The following MRGPRF variants were observed in gnomAD, a reference collection of about 807,000 sequenced individuals.
MRGPRF encodes mas-related G protein-coupled receptor member F.
A neutral mutation model predicts 3.3 loss-of-function variants in MRGPRF; 2 were observed. That is an observed-to-expected ratio of 0.61 (90% CI 0.25 to 1.92). MRGPRF has a LOEUF of 1.92. Ranked by LOEUF, MRGPRF falls within the 40% of genes most tolerant of loss-of-function variation. The probability of loss-of-function intolerance (pLI) is 0.16; values close to 1 mark genes in which losing one functional copy is unlikely to be tolerated. For missense variants in MRGPRF, 500 were observed against 476.0 expected (o/e 1.05, Z -0.47); for synonymous variants, 242 against 222.7 (o/e 1.09, Z -0.77).
At position 69,005,487 on chromosome 11, in the gene MRGPRF, C is replaced by T. The variant is rs184076521; in HGVS notation, c.823G>A (p.Val275Ile). ...TTGATGCAGATGCACAGGTCAGTGA[C>T]GTACTCGGGGAAGGGGGCCGGGATC... ...FQIPAPFPEY[V>I]TDLCICINSS... Residue 275 changes from valine (V) to isoleucine (I), a missense_variant, in exon 3 of 3, where the codon GTC becomes ATC. Coordinates refer to ENST00000309099, the MANE Select transcript of MRGPRF (RefSeq NM_145015.5). 91 of 1,584,008 alleles carry T rather than the reference C, an allele frequency of 5.7e-5. No homozygotes were observed. The African/African-American group carries it at 9.9e-4, about 17-fold the overall frequency.
intron 2 of MRGPRF, chr11:69,009,333 G>A (rs1335762938): frequency 7.6e-6 from 3 of 393,718 alleles, no homozygotes; most frequent in Admixed American, 4.2e-5. Flanking sequence ...AGGGGACTAG[G>A]TTGGCTGAGG....
In MRGPRF at chr11:69,005,147, A is replaced by G; in HGVS notation, c.*131T>C. 8.2e-7 allele frequency: 1 copy of G among 1,212,780 alleles called. No individual in the cohort carries two copies. The highest frequency in any genetic ancestry group is 1.5e-5 in the African/African-American group (1 of 65,212). 75.1% of individuals were successfully genotyped at this position (1,212,780 alleles called of 1,614,324 possible). A position where few individuals can be genotyped will look rare whatever the true frequency, so the allele number is the denominator to read the frequency against. On this transcript the variant is annotated 3_prime_UTR_variant, in exon 3 of 3. Coordinates refer to ENST00000309099, the MANE Select transcript of MRGPRF (RefSeq NM_145015.5). The stretch of plus-strand genomic sequence containing the variant: ...CCCCTGGAGTCCCCAGCCCAGGGAG[A>G]AGGAGGCCCGAGGAGAGGAAACAGA...
Position 69,006,037 on chromosome 11 carries a change from G to GCC in MRGPRF, c.271_272dup (p.Tyr92AlafsTer12). 1.3e-6 allele frequency: 2 copies of GCC among 1,580,546 alleles called. No individual in the cohort carries two copies. The highest frequency in any genetic ancestry group is 1.7e-6 in the Non-Finnish European group (2 of 1,163,050). ...AGAACACCGCCTTGCTGAAGAGGTA[G>GCC]CCCACATCGGCGCTGGCCAGGTGCA... On this transcript the variant is annotated frameshift_variant, in exon 3 of 3. Coordinates refer to ENST00000309099, the MANE Select transcript of MRGPRF (RefSeq NM_145015.5). LOFTEE classifies it low-confidence loss of function (END_TRUNC).
At chr11:69,011,025 G>A (rs1860584726) in intron 1 of MRGPRF, among the ~76,000 whole-genome samples, 1 of 152,148 alleles carries the variant, frequency 6.6e-6, no homozygotes, top group East Asian at 1.9e-4. Flanking sequence ...CAGGTCGCAG[G>A]CTGCCGGGCC....
Position 69,006,213 on chromosome 11 carries a change from G to A in MRGPRF, c.97C>T (p.Leu33=), listed in dbSNP as rs745320903. ...EAPELYSRGF[L]TIEQIAMLPP... ...AGCATCGCGATCTGCTCGATGGTCA[G>A]GAAGCCCCGGCTGTAGAGTTCCGGG... Residue 33 remains leucine, a synonymous_variant, in exon 3 of 3, where the codon CTG becomes TTG. Transcript: ENST00000309099. 1 of 1,613,422 alleles carries A rather than the reference G, an allele frequency of 6.2e-7. No homozygotes were observed. The highest frequency in any genetic ancestry group is 2.2e-5 in the East Asian group (1 of 44,884).
chr11:69,005,422 C>T lies in MRGPRF; in HGVS notation c.888G>A (p.Arg296=). 6.3e-7 allele frequency: 1 copy of T among 1,586,990 alleles called. No homozygotes were observed. Among genetic ancestry groups the T allele is most frequent in the Non-Finnish European group, 8.6e-7 (1 of 1,166,994 alleles). Residue 296 remains arginine, a synonymous_variant, in exon 3 of 3, where the codon AGG becomes AGA. Transcript: ENST00000309099. ...GCTCCCACAGCCGCTGCGACTTGTC[C>T]CTCCCGGCCAGGAAGTAGACGATGG... ...AKPIVYFLAG[R]DKSQRLWEPL...
At chr11:69,011,640 C>T (rs919415431) in intron 1 of MRGPRF, among the ~76,000 whole-genome samples, 1 of 152,216 alleles carries the variant, frequency 6.6e-6, no homozygotes, top group African/African-American at 2.4e-5. Flanking sequence ...GCCCTGCAAC[C>T]CCAGACCTAT....
chr11:69,013,001 AT>A (rs1860633925), intron 1 of MRGPRF, 81 bp downstream of exon 1: 2 of 153,108 alleles, frequency 1.3e-5, no homozygotes, highest in African/African-American at 2.4e-5. Flanking sequence ...TGCCCGCGTC[AT>A]TTTCCTTCCC....
intron 1 of MRGPRF, among the ~76,000 whole-genome samples, 194 bp from the exon 2 acceptor site, chr11:69,010,151 G>T (rs184383887): frequency 6.6e-6 from 1 of 152,202 alleles, no homozygotes; most frequent in African/African-American, 2.4e-5. Flanking sequence ...CCTGGGGCAC[G>T]GCCCCCTCCT....
Position 69,009,353 on chromosome 11 carries a change from G to C in MRGPRF, c.48+501C>G, listed in dbSNP as rs556625231. 65 of 406,404 alleles carry C rather than the reference G, an allele frequency of 1.6e-4. 1 individual carries two copies. The highest frequency in any genetic ancestry group is 1.2e-3 in the African/African-American group (58 of 48,690). 25.2% of individuals were successfully genotyped at this position (406,404 alleles called of 1,614,324 possible). A position where few individuals can be genotyped will look rare whatever the true frequency, so the allele number is the denominator to read the frequency against. ...ACTAGGTTGGCTGAGGGCAGGAGGA[G>C]GGTCAGCCTGGAGGGGTTGTCAGAG... On this transcript the variant is annotated intron_variant, in intron 2 of 2. Coordinates refer to ENST00000309099, the MANE Select transcript of MRGPRF (RefSeq NM_145015.5).
chr11:69,013,381 C>G (rs1050269911), upstream of MRGPRF: 1 of 152,476 alleles, frequency 6.6e-6, no homozygotes, highest in African/African-American at 2.4e-5. Context: ...GCTCAGGAGC[C>G]CCCCCCAGAG....
chr11:69,010,859 C>T (rs1565066056), intron 1 of MRGPRF, among the ~76,000 whole-genome samples: 2 of 152,098 alleles, frequency 1.3e-5, no homozygotes, highest in Non-Finnish European at 2.9e-5. Context: ...TGGAATTGAT[C>T]CCGGTCCCCC....
At chr11:69,011,997 C>T (rs1047295286) in intron 1 of MRGPRF, among the ~76,000 whole-genome samples, 4 of 152,334 alleles carry the variant, frequency 2.6e-5, no homozygotes, top group East Asian at 3.9e-4. Context: ...ACCTGAAAAG[C>T]GATTTCACGC....
intron 2 of MRGPRF, among the ~76,000 whole-genome samples, chr11:69,006,619 C>CTTTTTTTTT (rs11326908): frequency 1.9e-5 from 2 of 107,936 alleles, no homozygotes; most frequent in African/African-American, 3.7e-5. Flanking sequence ...GAGCCTTTCC[C>CTTTTTTTTT]TTTTTTTTTT....
At position 69,006,189 on chromosome 11, in the gene MRGPRF, G is replaced by C. The variant is rs368319219; in HGVS notation, c.121C>G (p.Leu41Val). 1,384 of 1,613,860 alleles carry C rather than the reference G, an allele frequency of 8.6e-4. 25 individuals carry two copies. In the South Asian group the frequency reaches 0.015, roughly 17 times the overall value. ...TAGTTCATGACGGCCGGAGGCGGCA[G>C]CATCGCGATCTGCTCGATGGTCAGG... ...GFLTIEQIAM[L>V]PPPAVMNYIF... Residue 41 changes from leucine to valine, a missense_variant, in exon 3 of 3, where the codon CTG becomes GTG. Coordinates refer to ENST00000309099, the MANE Select transcript of MRGPRF (RefSeq NM_145015.5).
rs1361945443 is a variant in MRGPRF, at chr11:69,005,747, C to G, written c.563G>C (p.Gly188Ala). ...GTGCCTGCAGGCCGCGCCGGGGGCCCCGCGGCCCAGGAACACGCAGAAGTA... is the reference window on the plus strand; with the variant it reads ...GTGCCTGCAGGCCGCGCCGGGGGCCGCGCGGCCCAGGAACACGCAGAAGTA... Reference protein sequence around the residue: ...HNYFCVFLGRGAPGAACRHMD... With the variant: ...HNYFCVFLGRAAPGAACRHMD... Residue 188 changes from glycine (G) to alanine (A), a missense_variant, in exon 3 of 3, where the codon GGG (glycine) becomes GCG (alanine). By Grantham distance (60) the Gly-to-Ala change is moderately conservative. Transcript: ENST00000309099. The G allele has an allele frequency of 1.9e-6, 3 of 1,549,542 alleles. No individual in the cohort carries two copies. Among genetic ancestry groups the G allele is most frequent in the South Asian group, 1.2e-5 (1 of 83,898 alleles).
rs1449915739 is a variant in MRGPRF, at chr11:69,005,949, C to T, written c.361G>A (p.Val121Ile). 4 of 1,571,398 alleles carry T rather than the reference C, an allele frequency of 2.5e-6. No homozygotes were observed. In the Admixed American group the frequency reaches 7.6e-5, roughly 30 times the overall value. Residue 121 changes from valine to isoleucine, a missense_variant, in exon 3 of 3, where the codon GTC (valine) becomes ATC (isoleucine). By Grantham distance (29) the Val-to-Ile change is conservative. Transcript: ENST00000309099. Reference sequence around the variant, plus strand: ...GTAAGGAACATGCAGAGCCCCAGGACCCGGCACACGCTGCGGATGTAGTCG... The same window carrying T: ...GTAAGGAACATGCAGAGCCCCAGGATCCGGCACACGCTGCGGATGTAGTCG... The part of the protein sequence containing the change: ...FADYIRSVCR[V>I]LGLCMFLTGV...
At chr11:69,008,278 A>G (rs1254273355) in intron 2 of MRGPRF, among the ~76,000 whole-genome samples, 1 of 152,096 alleles carries the variant, frequency 6.6e-6, no homozygotes, top group Non-Finnish European at 1.5e-5. Flanking sequence ...TTCCCCCCAG[A>G]GGCAAAGGCT....
chr11:69,010,015 G>A, intron 1 of MRGPRF, 58 bp from the exon 2 acceptor site: 2 of 1,209,682 alleles, frequency 1.7e-6, no homozygotes, highest in Middle Eastern at 2.9e-4. Context: ...CCCCTTCCTG[G>A]ACCCCCGTGC....
Sources: gnomAD v4.1 joint callset for allele counts (sites outside exome capture counted in the v4.1 genomes callset) on GRCh38, gnomAD v4.1.1 for gene constraint, MANE v1.5 for transcripts, NCBI Gene and HGNC (gene_info 2026-07-23, HGNC 2026-07-21) for gene names.